Variants in BIRC2 observed in about 807,000 individuals in gnomAD.
BIRC2 encodes the protein baculoviral IAP repeat containing 2, also known as baculoviral IAP repeat-containing protein 2.
In BIRC2, 18 loss-of-function variants were observed where a neutral mutation model predicts 60.9. The ratio of observed to expected loss-of-function variants is 0.30; its 90% CI spans 0.20 to 0.44. The LOEUF is 0.44. BIRC2 is among the 20% of genes least tolerant of loss of function. The pLI, the probability that BIRC2 is intolerant of heterozygous loss-of-function variation, is 1.00. For missense variants in BIRC2, 701 were observed against 728.5 expected, an observed-to-expected ratio of 0.96 and a Z score of 0.43; for synonymous variants, 282 against 247.7, an observed-to-expected ratio of 1.14 and a Z score of -1.30.
intron 3 of BIRC2, among the ~76,000 whole-genome samples, chr11:102,353,515 G>A (rs750794766): frequency 6.6e-6 from 1 of 151,578 alleles, no homozygotes; most frequent in African/African-American, 2.4e-5. Context: ...ACGCAGTTTC[G>A]CTATGTTGGC....
At chr11:102,350,807 T>TA in intron 2 of BIRC2, 37 bp from the exon 3 acceptor site, 1 of 1,610,638 alleles carries the variant, frequency 6.2e-7, no homozygotes, top group South Asian at 1.1e-5. Flanking sequence ...TATTAGAACA[T>TA]ACGTGTTTTC....
intron 3 of BIRC2, among the ~76,000 whole-genome samples, chr11:102,357,763 G>A (rs1429743449): frequency 6.6e-6 from 1 of 151,842 alleles, no homozygotes; most frequent in African/African-American, 2.4e-5. Context: ...TATTGTTTTT[G>A]TAGTCTCTAT....
rs1448665303 is a variant in BIRC2, at chr11:102,350,305, G to A, written c.451G>A (p.Gly151Ser). ...CTTGGAACATAGTAGCTTGTTCAGT[G>A]GTTCTTACTCCAGCCTTTCTCCAAA... ...PTLEHSSLFS[G>S]SYSSLSPNPL... Residue 151 changes from glycine (G) to serine (S), a missense_variant, in exon 2 of 9, where the codon GGT becomes AGT. Physicochemically the swap from Gly to Ser is moderately conservative, Grantham distance 56 (BLOSUM62 0). Coordinates refer to ENST00000227758, the MANE Select transcript of BIRC2 (RefSeq NM_001166.5). 1 of 1,614,096 alleles carries A rather than the reference G, an allele frequency of 6.2e-7. No individual in the cohort carries two copies. The highest frequency in any genetic ancestry group is 8.5e-7 in the Non-Finnish European group (1 of 1,180,046).
intron 3 of BIRC2, among the ~76,000 whole-genome samples, chr11:102,359,836 A>C (rs1224934711): frequency 6.6e-6 from 1 of 151,706 alleles, no homozygotes; most frequent in Admixed American, 6.6e-5. Context: ...TTGAATCTTT[A>C]TGGGGTCCTA....
chr11:102,367,506 G>A (rs10219215), intron 5 of BIRC2, among the ~76,000 whole-genome samples: 9,415 of 152,186 alleles, frequency 0.062, 334 homozygotes, highest in Non-Finnish European at 0.081. Context: ...CATTGTTGAC[G>A]TTGTATATTT....
intron 3 of BIRC2, among the ~76,000 whole-genome samples, chr11:102,360,828 G>A (rs1466096876): frequency 6.7e-6 from 1 of 148,342 alleles, no homozygotes; most frequent in Non-Finnish European, 1.5e-5. Flanking sequence ...GGGTGAGGGT[G>A]AGGGTGAGGG....
chr11:102,376,200 C>T (rs967978587), intron 6 of BIRC2, among the ~76,000 whole-genome samples: 5 of 152,030 alleles, frequency 3.3e-5, no homozygotes, highest in Non-Finnish European at 5.9e-5. Context: ...GTAAGGAATA[C>T]GGAAGATGAG....
intron 3 of BIRC2, among the ~76,000 whole-genome samples, chr11:102,360,784 G>GTTTTTTTTTTTTTT (rs200030086): frequency 1.2e-4 from 15 of 129,320 alleles, no homozygotes; most frequent in Non-Finnish European, 2.2e-4. Flanking sequence ...TGTTTTTTTT[G>GTTTTTTTTTTTTTT]TTTTTTTTTT....
At chr11:102,364,340 A>T (rs2135815077) in intron 5 of BIRC2, among the ~76,000 whole-genome samples, 1 of 151,820 alleles carries the variant, frequency 6.6e-6, no homozygotes, top group East Asian at 1.9e-4. Context: ...AACAAAAAAT[A>T]GTTCAAAGCA....
chr11:102,376,918 A>G (rs932109705), intron 6 of BIRC2, among the ~76,000 whole-genome samples: 1 of 152,098 alleles, frequency 6.6e-6, no homozygotes, highest in Non-Finnish European at 1.5e-5. Context: ...CAACACTGGA[A>G]CCTAGGTCTG....
In BIRC2 at chr11:102,378,206, C is replaced by T. The variant is rs1161034591; in HGVS notation, c.*23C>T. The stretch of plus-strand genomic sequence containing the variant: ...TAAAGAAAAATAGTCTATATTTTAA[C>T]CTGCATAAAAAGGTCTTTAAAATAT... On this transcript the variant is annotated 3_prime_UTR_variant, in exon 9 of 9. Transcript: ENST00000227758. The T allele has an allele frequency of 4.6e-6, 7 of 1,529,386 alleles. No individual in the cohort carries two copies. Among genetic ancestry groups the T allele is most frequent in the Non-Finnish European group, 6.2e-6 (7 of 1,137,996 alleles). 94.7% of individuals were successfully genotyped at this position (1,529,386 alleles called of 1,614,324 possible).
intron 1 of BIRC2, chr11:102,347,688 G>A (rs977070747): frequency 4.6e-5 from 7 of 152,228 alleles, no homozygotes; most frequent in African/African-American, 1.7e-4. Flanking sequence ...TTTTTGCAAG[G>A]TTTTAAACTT....
intron 6 of BIRC2, among the ~76,000 whole-genome samples, chr11:102,373,926 C>T (rs1334590815): frequency 1.4e-5 from 2 of 144,364 alleles, no homozygotes; most frequent in African/African-American, 5.2e-5. Flanking sequence ...TTTCATCTTC[C>T]ATTGCTGATA....
chr11:102,355,558 T>C (rs909571764), intron 3 of BIRC2, among the ~76,000 whole-genome samples: 3 of 151,908 alleles, frequency 2.0e-5, no homozygotes, highest in African/African-American at 7.3e-5. Flanking sequence ...CTCCAGTTGT[T>C]TTTTTTGTTT....
chr11:102,373,057 G>C (rs1446918655), intron 6 of BIRC2, among the ~76,000 whole-genome samples: 3 of 150,382 alleles, frequency 2.0e-5, no homozygotes, highest in Non-Finnish European at 4.4e-5. Context: ...GAGCCTATGT[G>C]TGTCTCTGCA....
At position 102,377,651 on chromosome 11, in the gene BIRC2, G is replaced by A; in HGVS notation, c.1522G>A (p.Glu508Lys). ...QKTQIPLQAR[E>K]LIDTILVKGN... ...AACACAGATACCTTTACAAGCGAGA[G>A]AACTGATTGATACCATTTTGGTTAA... The change falls in exon 7 of 9, where the codon GAA (glutamate) becomes AAA (lysine). Residue 508 changes from glutamate (E) to lysine (K), a missense_variant. Glu to Lys is a moderately conservative substitution (Grantham distance 56). Transcript: ENST00000227758. The A allele has an allele frequency of 1.2e-6, 2 of 1,610,740 alleles. No homozygotes were observed. Among genetic ancestry groups the A allele is most frequent in the South Asian group, 1.1e-5 (1 of 90,144 alleles).
chr11:102,367,363 T>C (rs956327421), intron 5 of BIRC2, among the ~76,000 whole-genome samples: 3 of 152,120 alleles, frequency 2.0e-5, no homozygotes, highest in Non-Finnish European at 4.4e-5. Context: ...ATGTGTCTCT[T>C]ATCTTGAACA....
intron 3 of BIRC2, among the ~76,000 whole-genome samples, chr11:102,357,055 G>A (rs1413188846): frequency 6.6e-6 from 1 of 152,150 alleles, no homozygotes; most frequent in Non-Finnish European, 1.5e-5. Context: ...TTGCATCTCA[G>A]GGATAAATCT....
At chr11:102,353,026 A>C (rs553167621) in intron 3 of BIRC2, among the ~76,000 whole-genome samples, 1 of 152,292 alleles carries the variant, frequency 6.6e-6, no homozygotes, top group Admixed American at 6.5e-5. Context: ...ACACTGAAAA[A>C]TGACTAAATT....
Sources: gnomAD v4.1 joint callset for allele counts (sites outside exome capture counted in the v4.1 genomes callset) on GRCh38, gnomAD v4.1.1 for gene constraint, MANE v1.5 for transcripts, NCBI Gene and HGNC (gene_info 2026-07-23, HGNC 2026-07-21) for gene names.